CDH18: variants seen among roughly 807,000 people sequenced by gnomAD.
CDH18 encodes cadherin 18, also known as cadherin-18.
A neutral mutation model predicts 67.9 loss-of-function variants in CDH18; 31 were observed. The ratio of observed to expected loss-of-function variants is 0.46; its 90% confidence interval spans 0.34 to 0.62. The LOEUF (loss-of-function observed/expected upper bound fraction) is 0.62. CDH18 is among the 20% of genes least tolerant of loss of function. The probability of loss-of-function intolerance (pLI) is 0.01; values close to 1 mark genes in which losing one functional copy is unlikely to be tolerated. For missense variants in CDH18, 890 were observed against 975.5 expected (o/e 0.91, Z 1.17); for synonymous variants, 362 against 347.2 (o/e 1.04, Z -0.48).
rs563222608 is a variant in CDH18 at position 20,362,145 on chromosome 5, A to G, written c.-579-106640T>C. 6.6e-5 allele frequency among the ~76,000 whole-genome samples: 10 copies of G among 152,300 alleles called. No individual in the cohort carries two copies. The East Asian group carries it at 1.7e-3, about 26-fold the overall frequency. ...AGTCAGGCAGGAATCATAAACATTTACATTAATTCAACTTTCCTGTTTGGT... is the reference window on the plus strand; with the variant it reads ...AGTCAGGCAGGAATCATAAACATTTGCATTAATTCAACTTTCCTGTTTGGT... On this transcript the variant is annotated intron_variant, in intron 1 of 14. Transcript: ENST00000507958.
intron 1 of CDH18, among the ~76,000 whole-genome samples, chr5:20,336,002 G>T (rs985629694): frequency 6.6e-6 from 1 of 152,210 alleles, no homozygotes; most frequent in Admixed American, 6.5e-5. Context: ...AAATAATGGT[G>T]AGTATAATGA....
intron 2 of CDH18, among the ~76,000 whole-genome samples, chr5:20,150,717 C>A (rs1751029668): frequency 6.6e-6 from 1 of 151,998 alleles, no homozygotes; most frequent in African/African-American, 2.4e-5. Context: ...TTGCAAAGAT[C>A]TACCATAGAT....
chr5:19,926,273 C>T (rs1410057752), intron 2 of CDH18, among the ~76,000 whole-genome samples: 1 of 152,084 alleles, frequency 6.6e-6, no homozygotes, highest in Non-Finnish European at 1.5e-5. Flanking sequence ...TGGTAATATG[C>T]TTGAAATACT....
chr5:19,695,051 T>C (rs1311451706), intron 5 of CDH18, among the ~76,000 whole-genome samples: 1 of 152,150 alleles, frequency 6.6e-6, no homozygotes, highest in Non-Finnish European at 1.5e-5. Context: ...CTCAGAGCTT[T>C]GCCCTCTATC....
At chr5:20,247,265 T>C (rs960916915) in intron 2 of CDH18, among the ~76,000 whole-genome samples, 1 of 152,184 alleles carries the variant, frequency 6.6e-6, no homozygotes, top group Non-Finnish European at 1.5e-5. Context: ...TTACTTTCCC[T>C]CCTTAGTTCA....
chr5:20,029,122 T>C (rs958274917), intron 2 of CDH18, among the ~76,000 whole-genome samples: 6 of 152,182 alleles, frequency 3.9e-5, no homozygotes, highest in Admixed American at 1.3e-4. Context: ...AAATTATATA[T>C]TGAAATCCCA....
chr5:20,108,237 G>A (rs1209425566), intron 2 of CDH18, among the ~76,000 whole-genome samples: 4 of 150,624 alleles, frequency 2.7e-5, no homozygotes, highest in Non-Finnish European at 5.9e-5. Flanking sequence ...GTGCCACCAC[G>A]CCCGGCTAAT....
chr5:20,004,313 C>T (rs182949462), intron 2 of CDH18, among the ~76,000 whole-genome samples: 1 of 152,176 alleles, frequency 6.6e-6, no homozygotes, highest in African/African-American at 2.4e-5. Flanking sequence ...CAAGGTGAAA[C>T]CTTCACTATT....
At chr5:20,376,070 T>C (rs1014058805) in intron 1 of CDH18, among the ~76,000 whole-genome samples, 2 of 138,942 alleles carry the variant, frequency 1.4e-5, no homozygotes, top group Non-Finnish European at 3.1e-5. Context: ...GATCAAACAG[T>C]AAGCAATTTA....
chr5:20,488,700 T>TATATACAC (rs369185147), intron 1 of CDH18, among the ~76,000 whole-genome samples: 9 of 137,304 alleles, frequency 6.6e-5, no homozygotes, highest in Non-Finnish European at 9.4e-5. Flanking sequence ...TATATATATA[T>TATATACAC]ACACACACAT....
rs540537686 is a variant in CDH18 at position 19,544,426 on chromosome 5, T to G, written c.1254-421A>C. ...GTCAGAGATGAATTTATCTTGAAAT[T>G]TCATTGTAGCTAAGGTTTAAAAATA... On this transcript the variant is annotated intron_variant, in intron 8 of 12. Coordinates refer to ENST00000382275, the MANE Select transcript of CDH18 (RefSeq NM_004934.5). 1.4e-4 allele frequency among the ~76,000 whole-genome samples: 22 copies of G among 152,250 alleles called. No individual in the cohort carries two copies. The East Asian group carries it at 3.5e-3, about 24-fold the overall frequency.
chr5:20,465,932 G>T (rs537845143), intron 1 of CDH18, among the ~76,000 whole-genome samples: 1 of 151,944 alleles, frequency 6.6e-6, no homozygotes, highest in Non-Finnish European at 1.5e-5. Flanking sequence ...CTTAACTAAG[G>T]TGACAAACTA....
chr5:19,736,097 T>C (rs114867508), intron 4 of CDH18, among the ~76,000 whole-genome samples: 6 of 152,210 alleles, frequency 3.9e-5, no homozygotes, highest in Admixed American at 2.6e-4. Flanking sequence ...AATAAAGCAC[T>C]TGAAATAATG....
intron 2 of CDH18, among the ~76,000 whole-genome samples, chr5:19,954,773 C>T (rs1203977510): frequency 1.3e-5 from 2 of 151,788 alleles, no homozygotes; most frequent in Non-Finnish European, 2.9e-5. Context: ...CACACATACA[C>T]AATGCATTCA....
intron 2 of CDH18, among the ~76,000 whole-genome samples, chr5:20,119,915 G>C (rs1350421136): frequency 6.6e-6 from 1 of 151,690 alleles, no homozygotes; most frequent in African/African-American, 2.4e-5. Flanking sequence ...TATTTAGAAA[G>C]TACTTAAAAT....
At chr5:19,555,598 T>A (rs572175413) in intron 8 of CDH18, among the ~76,000 whole-genome samples, 2 of 152,228 alleles carry the variant, frequency 1.3e-5, no homozygotes, top group Non-Finnish European at 1.5e-5. Context: ...CACATCCCCA[T>A]CCTCCACAGC....
chr5:20,512,719 A>G (rs1755119029), intron 1 of CDH18, among the ~76,000 whole-genome samples: 1 of 151,956 alleles, frequency 6.6e-6, no homozygotes, highest in Non-Finnish European at 1.5e-5. Context: ...CCCCATCTCT[A>G]CTAAAAATAC....
intron 3 of CDH18, among the ~76,000 whole-genome samples, chr5:19,750,399 C>G (rs561977530): frequency 4.6e-4 from 70 of 151,684 alleles, no homozygotes; most frequent in Non-Finnish European, 9.1e-4. Context: ...TTTTGTAAGC[C>G]AAAAAATGAT....
At chr5:20,088,802 AT>A (rs1198542502) in intron 2 of CDH18, among the ~76,000 whole-genome samples, 4 of 152,324 alleles carry the variant, frequency 2.6e-5, no homozygotes, top group African/African-American at 9.6e-5. Flanking sequence ...AACAAGGAAC[AT>A]TCAAGAGGTG....
Sources: allele counts gnomAD v4.1 joint callset (sites outside exome capture counted in the v4.1 genomes callset), GRCh38; gene constraint gnomAD v4.1.1; transcripts MANE v1.5; gene names NCBI Gene and HGNC (gene_info 2026-07-23, HGNC 2026-07-21).